MYOF: variants seen among roughly 807,000 people sequenced by gnomAD.
The protein encoded by MYOF is myoferlin.
A neutral mutation model predicts 284.2 loss-of-function variants in MYOF; 244 were observed. The observed-to-expected ratio is 0.86, with a 90% CI of 0.77 to 0.95. The LOEUF (loss-of-function observed/expected upper bound fraction) is 0.95. Ranked by LOEUF, MYOF falls within the 40% of genes least tolerant of loss-of-function variation. The pLI, the probability that MYOF is intolerant of heterozygous loss-of-function variation, is 0.00. For missense variants in MYOF, 2,496 were observed against 2,560.6 expected (o/e 0.97, Z 0.54); for synonymous variants, 904 against 919.7 (o/e 0.98, Z 0.31).
chr10:93,470,365 C>T (rs1295865888), intron 1 of MYOF, among the ~76,000 whole-genome samples: 1 of 152,016 alleles, frequency 6.6e-6, no homozygotes, highest in African/African-American at 2.4e-5. Flanking sequence ...ATATAATTGC[C>T]AATAATGATA....
intron 4 of MYOF, among the ~76,000 whole-genome samples, chr10:93,427,341 G>A (rs1433249217): frequency 4.0e-5 from 6 of 150,994 alleles, no homozygotes; most frequent in African/African-American, 1.5e-4. Flanking sequence ...GACCAGCTTG[G>A]CCAACACAGT....
In MYOF at chr10:93,395,298, C is replaced by T. The variant is rs191106998; in HGVS notation, c.1417+844G>A. 4.0e-4 allele frequency among the ~76,000 whole-genome samples: 61 copies of T among 152,238 alleles called. 1 individual carries two copies. Among genetic ancestry groups the T allele is most frequent in the African/African-American group, 1.4e-3 (57 of 41,546 alleles). ...TCTCTACTACAAATACAAAAATTAG[C>T]TGGGCGTGGTGGCATGCGCCTGTAG... On this transcript the variant is annotated intron_variant, in intron 16 of 53. Transcript: ENST00000359263.
intron 5 of MYOF, among the ~76,000 whole-genome samples, chr10:93,414,993 C>G (rs1256723780): frequency 2.0e-5 from 3 of 152,178 alleles, no homozygotes; most frequent in Non-Finnish European, 4.4e-5. Context: ...ATCCACCCTC[C>G]TCGGCCTCCC....
chr10:93,314,575 C>T (rs1374630723), intron 50 of MYOF, among the ~76,000 whole-genome samples: 1 of 152,192 alleles, frequency 6.6e-6, no homozygotes, highest in African/African-American at 2.4e-5. Flanking sequence ...GGCATTTTCT[C>T]TTTAAACTGT....
intron 3 of MYOF, among the ~76,000 whole-genome samples, chr10:93,439,858 A>G (rs550871226): frequency 6.6e-6 from 1 of 152,238 alleles, no homozygotes; most frequent in Admixed American, 6.5e-5. Flanking sequence ...GTGGGCATGA[A>G]TGAATAGATA....
chr10:93,421,454 C>G (rs953592400), intron 5 of MYOF, among the ~76,000 whole-genome samples: 10 of 152,150 alleles, frequency 6.6e-5, no homozygotes, highest in African/African-American at 2.4e-4. Context: ...CTCAGTTGAA[C>G]TGAATTACCA....
intron 16 of MYOF, among the ~76,000 whole-genome samples, chr10:93,393,675 CATG>C (rs1846811615): frequency 6.6e-6 from 1 of 152,202 alleles, no homozygotes; most frequent in Non-Finnish European, 1.5e-5. Flanking sequence ...ATAGTTCCAG[CATG>C]ATTTTTATTT....
chr10:93,369,185 G>A (rs1365799795), intron 25 of MYOF, among the ~76,000 whole-genome samples: 1 of 141,778 alleles, frequency 7.1e-6, no homozygotes, highest in Non-Finnish European at 1.5e-5. Context: ...TGGGTCTTCA[G>A]GGGTTTTAAG....
chr10:93,397,844 C>G (rs1426485703), intron 13 of MYOF, among the ~76,000 whole-genome samples: 1 of 152,032 alleles, frequency 6.6e-6, no homozygotes, highest in East Asian at 1.9e-4. Flanking sequence ...CAAACTGACT[C>G]TTGTTCCAGT....
At chr10:93,345,522 C>A (rs149753223) in intron 37 of MYOF, among the ~76,000 whole-genome samples, 11 of 152,140 alleles carry the variant, frequency 7.2e-5, no homozygotes, top group Admixed American at 7.2e-4. Flanking sequence ...GTTTTAGATC[C>A]ACGTGGCACC....
At chr10:93,352,946 T>C (rs1223113352) in intron 32 of MYOF, among the ~76,000 whole-genome samples, 1 of 152,200 alleles carries the variant, frequency 6.6e-6, no homozygotes, top group Admixed American at 6.5e-5. Flanking sequence ...CAAATATTGG[T>C]AAATATTAGT....
chr10:93,314,078 T>C (rs1842508636), intron 50 of MYOF, among the ~76,000 whole-genome samples: 1 of 152,126 alleles, frequency 6.6e-6, no homozygotes, highest in Non-Finnish European at 1.5e-5. Flanking sequence ...ACATTGTCCC[T>C]TCTATGATGT....
chr10:93,437,304 T>C (rs7909892), intron 3 of MYOF, among the ~76,000 whole-genome samples: 21,507 of 152,020 alleles, frequency 0.14, 1,634 homozygotes, highest in Middle Eastern at 0.2. Flanking sequence ...AGACAGAGTA[T>C]AGTTTGTTTA....
chr10:93,455,879 TA>T (rs937672844), intron 2 of MYOF, among the ~76,000 whole-genome samples: 1 of 152,134 alleles, frequency 6.6e-6, no homozygotes, highest in Non-Finnish European at 1.5e-5. Context: ...GTTAAAAAGT[TA>T]AAGTTTCATG....
At position 93,325,870 on chromosome 10, in the gene MYOF, C is replaced by T; in HGVS notation, c.5227G>A (p.Glu1743Lys). ...AAGGTGCTGTGCAAAGTCCTTGTTT[C>T]CACGTGCTCAGGGACCAGCCCCTGA... ...RTQGLVPEHV[E>K]TRTLHSTFQP... The change falls in exon 46 of 54, where the codon GAA (glutamate) becomes AAA (lysine). Residue 1743 changes from glutamate (E) to lysine (K), a missense_variant. Physicochemically the swap from Glu to Lys is moderately conservative, Grantham distance 56. Transcript: ENST00000359263. 1 of 1,614,070 alleles carries T rather than the reference C, an allele frequency of 6.2e-7. No homozygotes were observed. The highest frequency in any genetic ancestry group is 8.5e-7 in the Non-Finnish European group (1 of 1,180,030).
chr10:93,376,423 T>C (rs947831902), intron 22 of MYOF, among the ~76,000 whole-genome samples: 1 of 152,152 alleles, frequency 6.6e-6, no homozygotes, highest in Non-Finnish European at 1.5e-5. Context: ...TTTCTCCTCT[T>C]TGGGCCTCTG....
intron 1 of MYOF, among the ~76,000 whole-genome samples, chr10:93,472,467 C>T (rs1342770109): frequency 6.6e-6 from 1 of 151,984 alleles, no homozygotes; most frequent in African/African-American, 2.4e-5. Flanking sequence ...AGTGAAACCC[C>T]TCCTCTACTA....
intron 41 of MYOF, among the ~76,000 whole-genome samples, chr10:93,334,155 A>C (rs1843486477): frequency 6.6e-6 from 1 of 152,160 alleles, no homozygotes; most frequent in African/African-American, 2.4e-5. Flanking sequence ...AGTCAAGAGG[A>C]GAACATGGGC....
intron 5 of MYOF, among the ~76,000 whole-genome samples, chr10:93,416,893 C>T (rs941543592): frequency 1.6e-4 from 25 of 152,266 alleles, no homozygotes; most frequent in African/African-American, 5.5e-4. Flanking sequence ...CCACTGCACC[C>T]GGCCATGACC....
Sources: allele counts gnomAD v4.1 joint callset (sites outside exome capture counted in the v4.1 genomes callset), GRCh38; gene constraint gnomAD v4.1.1; transcripts MANE v1.5; gene names NCBI Gene and HGNC (gene_info 2026-07-23, HGNC 2026-07-21).